RAB11FIP3: variants seen among roughly 807,000 people sequenced by gnomAD.
RAB11FIP3 encodes rab11 family-interacting protein 3.
A neutral mutation model predicts 77.8 loss-of-function variants in RAB11FIP3; 17 were observed. The observed-to-expected ratio is 0.22, with a 90% confidence interval of 0.15 to 0.33. The LOEUF (loss-of-function observed/expected upper bound fraction) is 0.33. Among genes scored for constraint, RAB11FIP3 ranks in the 10% least tolerant of loss-of-function variants. The pLI, the probability that RAB11FIP3 is intolerant of heterozygous loss-of-function variation, is 1.00. For synonymous variants in RAB11FIP3, 437 were observed against 448.2 expected (o/e 0.98, Z 0.31); for missense variants, 1,005 against 1,011.2 (o/e 0.99, Z 0.08).
At chr16:433,445 A>G (rs1233332049) in intron 1 of RAB11FIP3, among the ~76,000 whole-genome samples, 1 of 151,848 alleles carries the variant, frequency 6.6e-6, no homozygotes, top group Non-Finnish European at 1.5e-5. Flanking sequence ...ACATAAGAGT[A>G]AAAACGTGAT....
intron 9 of RAB11FIP3, among the ~76,000 whole-genome samples, chr16:516,676 A>C (rs1215066595): frequency 6.6e-6 from 1 of 152,122 alleles, no homozygotes; most frequent in African/African-American, 2.4e-5. Flanking sequence ...CAGGAGTTCC[A>C]GACCAGCCTG....
At position 471,307 on chromosome 16, in the gene RAB11FIP3, A is replaced by G; in HGVS notation, c.821A>G (p.Gln274Arg). Reference sequence around the variant, plus strand: ...CTTCTCCCTGCAGATCCTGATGGCCAGTGCTACGGTGGTGTCGCTTCTGCC... The same window carrying G: ...CTTCTCCCTGCAGATCCTGATGGCCGGTGCTACGGTGGTGTCGCTTCTGCC... ...TAIRNGDPDGQCYGGVASAQD... is the reference protein window; with the variant it reads ...TAIRNGDPDGRCYGGVASAQD... The change falls in exon 3 of 14, where the codon CAG (glutamine) becomes CGG (arginine). Residue 274 changes from glutamine to arginine, a missense_variant. Coordinates refer to ENST00000262305, the MANE Select transcript of RAB11FIP3 (RefSeq NM_014700.4). The surrounding 1 kb of genome is among the most constrained non-coding windows in gnomAD (Gnocchi z 4.4). The G allele has an allele frequency of 4.3e-6, 7 of 1,613,818 alleles. No individual in the cohort carries two copies. The highest frequency in any genetic ancestry group is 5.9e-6 in the Non-Finnish European group (7 of 1,179,802).
At chr16:501,538 C>A (rs2031520424) in intron 6 of RAB11FIP3, among the ~76,000 whole-genome samples, 1 of 145,394 alleles carries the variant, frequency 6.9e-6, no homozygotes, top group Non-Finnish European at 1.5e-5. Flanking sequence ...GAGGGTCCCC[C>A]ATTTCACAGG....
At chr16:519,409 G>A (rs2032566553) in intron 10 of RAB11FIP3, among the ~76,000 whole-genome samples, 1 of 152,244 alleles carries the variant, frequency 6.6e-6, no homozygotes, top group African/African-American at 2.4e-5. Flanking sequence ...AAGCTCCCAG[G>A]AAGGATATTC....
At chr16:440,430 C>T (rs1438432389) in intron 1 of RAB11FIP3, among the ~76,000 whole-genome samples, 1 of 152,174 alleles carries the variant, frequency 6.6e-6, no homozygotes, top group Non-Finnish European at 1.5e-5. Flanking sequence ...CTCGCTCAGC[C>T]CCTCTGCTGT....
intron 1 of RAB11FIP3, among the ~76,000 whole-genome samples, chr16:446,243 A>G (rs2055315225): frequency 6.6e-6 from 1 of 152,092 alleles, no homozygotes; most frequent in African/African-American, 2.4e-5. Flanking sequence ...CAGCATAGTG[A>G]AACCCCGTGT....
At chr16:499,483 G>T (rs575898192) in intron 6 of RAB11FIP3, among the ~76,000 whole-genome samples, 1 of 152,142 alleles carries the variant, frequency 6.6e-6, no homozygotes, top group East Asian at 1.9e-4. Context: ...TTTCCTTCAC[G>T]GGTACCCTTT....
Position 461,834 on chromosome 16 carries a change from C to A in RAB11FIP3, c.808+337C>A, listed in dbSNP as rs1247661472. On this transcript the variant is annotated intron_variant, in intron 2 of 13. Coordinates refer to ENST00000262305, the MANE Select transcript of RAB11FIP3 (RefSeq NM_014700.4). The surrounding 1 kb of genome is among the most constrained non-coding windows in gnomAD (Gnocchi z 4.5). ...CCCAAGTGGGTGTTCATCACCCGTG[C>A]TCTGCAGGCAGCACTTCGTCGCACT... Among the ~76,000 whole-genome samples, 1 of 152,210 alleles carries A rather than the reference C, an allele frequency of 6.6e-6. No individual in the cohort carries two copies. The highest frequency in any genetic ancestry group is 1.5e-5 in the Non-Finnish European group (1 of 68,042).
chr16:496,687 GCCTGGGGGGC>G, intron 5 of RAB11FIP3, 127 bp from the exon 6 acceptor site: 1 of 805,826 alleles, frequency 1.2e-6, no homozygotes. Flanking sequence ...GCATGGACTT[GCCTGGGGGGC>G]CCTGCATGCC....
intron 4 of RAB11FIP3, among the ~76,000 whole-genome samples, chr16:487,439 G>A (rs2056179436): frequency 1.3e-5 from 2 of 152,160 alleles, no homozygotes; most frequent in African/African-American, 2.4e-5. Flanking sequence ...AAGCCTGCGT[G>A]TTTGAGGCCA....
chr16:520,609 C>A lies in RAB11FIP3; in HGVS notation c.2157+10C>A, dbSNP rs780006943. 3.7e-6 allele frequency: 6 copies of A among 1,612,758 alleles called. No individual in the cohort carries two copies. In the African/African-American group the frequency reaches 5.3e-5, roughly 14 times the overall value. ...CGTCTCCCGAGATGAGGTAACACAT[C>A]CCGTGTCTGCACGGTGTGGCCTGGG... On this transcript the variant is annotated intron_variant, in intron 13 of 13. Coordinates refer to ENST00000262305, the MANE Select transcript of RAB11FIP3 (RefSeq NM_014700.4).
chr16:484,289 C>T (rs913273156), intron 4 of RAB11FIP3, among the ~76,000 whole-genome samples: 4 of 152,160 alleles, frequency 2.6e-5, no homozygotes, highest in Non-Finnish European at 5.9e-5. Flanking sequence ...CCTTAAGTTC[C>T]CCCACACAGG....
At chr16:492,536 G>GCCCAGAGCCC (rs1567392709) in intron 5 of RAB11FIP3, among the ~76,000 whole-genome samples, 2 of 145,728 alleles carry the variant, frequency 1.4e-5, no homozygotes, top group Non-Finnish European at 3.1e-5. Flanking sequence ...ACCCGAGGCC[G>GCCCAGAGCCC]TCCAGAATCT....
At chr16:444,077 C>T (rs2055272469) in intron 1 of RAB11FIP3, among the ~76,000 whole-genome samples, 1 of 152,138 alleles carries the variant, frequency 6.6e-6, no homozygotes, top group South Asian at 2.1e-4. Flanking sequence ...GGGTGTTCTC[C>T]ACCCTGAGGC....
chr16:497,509 G>C (rs2031235426), intron 6 of RAB11FIP3: 1 of 1,174,042 alleles, frequency 8.5e-7, no homozygotes, highest in Non-Finnish European at 1.1e-6. Flanking sequence ...TCGTGGCCCG[G>C]CATCTGGCAG....
chr16:510,446 A>G lies in RAB11FIP3; in HGVS notation c.1500-214A>G, dbSNP rs2032086327. ...AGGTGCAGTGGACACTGCTCCGGCC[A>G]CCCCAGGTGCCTTTAGTGTGGGAGG... On this transcript the variant is annotated intron_variant, in intron 8 of 13. Coordinates refer to ENST00000262305, the MANE Select transcript of RAB11FIP3 (RefSeq NM_014700.4). 1.4e-5 allele frequency: 8 copies of G among 560,456 alleles called. No individual in the cohort carries two copies. In the South Asian group the frequency reaches 1.8e-4, roughly 12 times the overall value. 34.7% of individuals were successfully genotyped at this position (560,456 alleles called of 1,614,324 possible). A position where few individuals can be genotyped will look rare whatever the true frequency, so the allele number is the denominator to read the frequency against.
Position 461,620 on chromosome 16 carries a change from C to G in RAB11FIP3, c.808+123C>G, listed in dbSNP as rs1186352193. The G allele has an allele frequency of 8.3e-6, 6 of 723,366 alleles. No homozygotes were observed. The highest frequency in any genetic ancestry group is 1.4e-5 in the Non-Finnish European group (6 of 437,204). The allele number at this position is 723,366 out of a possible 1,614,324, so 44.8% of individuals were successfully genotyped here. A position where few individuals can be genotyped will look rare whatever the true frequency, so the allele number is the denominator to read the frequency against. ...CATCTTTCCTTCTCCTTGAAGCCCC[C>G]AACATACCCCAGGTTTCCAGGTGGT... On this transcript the variant is annotated intron_variant, in intron 2 of 13. Transcript: ENST00000262305. The surrounding 1 kb of genome is among the most constrained non-coding windows in gnomAD (Gnocchi z 4.5).
At chr16:497,554 A>T (rs762231095) in intron 6 of RAB11FIP3, 5 of 979,918 alleles carry the variant, frequency 5.1e-6, no homozygotes, top group Non-Finnish European at 4.0e-6. Context: ...CCTCTGGAGC[A>T]TCCCCTCTGG....
chr16:480,370 G>A (rs1007127071), intron 3 of RAB11FIP3, among the ~76,000 whole-genome samples: 7 of 151,334 alleles, frequency 4.6e-5, no homozygotes, highest in African/African-American at 1.7e-4. Context: ...TGTCGCCCAA[G>A]CTGGAGCTTA....
Sources: gnomAD v4.1 joint callset for allele counts (sites outside exome capture counted in the v4.1 genomes callset) on GRCh38, gnomAD v4.1.1 for gene constraint, Gnocchi (gnomAD v3.1) non-coding constraint, MANE v1.5 for transcripts, NCBI Gene and HGNC (gene_info 2026-07-23, HGNC 2026-07-21) for gene names.